Variants in RBFOX1 observed in about 807,000 individuals in gnomAD.
RBFOX1 encodes RNA binding fox-1 homolog 1.
In RBFOX1, 8 loss-of-function variants were observed where a neutral mutation model predicts 57.7. The ratio of observed to expected loss-of-function variants is 0.14; its 90% CI spans 0.08 to 0.25. The LOEUF (loss-of-function observed/expected upper bound fraction) is 0.25. RBFOX1 is among the 10% of genes least tolerant of loss of function. The pLI is 1.00. For missense variants in RBFOX1, 611 were observed against 548.5 expected (o/e 1.11, Z -1.14); for synonymous variants, 326 against 222.4 (o/e 1.47, Z -4.15).
chr16:7,223,840 A>T lies in RBFOX1; in HGVS notation c.27+171742A>T, dbSNP rs189787728. Among the ~76,000 whole-genome samples the T allele has an allele frequency of 1.6e-4, 25 of 151,836 alleles. No homozygotes were observed. In the East Asian group the frequency reaches 4.8e-3, roughly 29 times the overall value. ...ACCAAAAGAGCATTTTTTTTTTGGT[A>T]GAAATAGCCATTTATTAAAAACCAT... On this transcript the variant is annotated intron_variant, in intron 4 of 15. Transcript: ENST00000550418.
At chr16:7,545,043 A>T (rs900984689) in intron 5 of RBFOX1, among the ~76,000 whole-genome samples, 4 of 152,218 alleles carry the variant, frequency 2.6e-5, no homozygotes, top group Admixed American at 6.5e-5. Context: ...AATTGCATCA[A>T]ACAGTGTCTA....
At chr16:5,697,595 A>G (rs1383074703) in intron 3 of RBFOX1, among the ~76,000 whole-genome samples, 1 of 143,298 alleles carries the variant, frequency 7.0e-6, no homozygotes, top group African/African-American at 2.6e-5. Context: ...GTGCATTGGC[A>G]TGACCTCAGC....
intron 3 of RBFOX1, among the ~76,000 whole-genome samples, chr16:5,613,027 G>A (rs976133371): frequency 2.0e-5 from 3 of 152,196 alleles, no homozygotes; most frequent in African/African-American, 4.8e-5. Flanking sequence ...CTGAAGCTCA[G>A]GGGCCCATGA....
chr16:7,075,545 G>C (rs2058132965), intron 4 of RBFOX1, among the ~76,000 whole-genome samples: 1 of 151,996 alleles, frequency 6.6e-6, no homozygotes. Context: ...ACACAACTTT[G>C]GGTTTGCATT....
intron 3 of RBFOX1, among the ~76,000 whole-genome samples, chr16:6,726,200 C>T (rs1014752246): frequency 2.6e-5 from 4 of 152,014 alleles, no homozygotes; most frequent in South Asian, 2.1e-4. Context: ...AGATCTCACC[C>T]GTTTGCTCTA....
chr16:6,738,794 C>G (rs930738425), intron 3 of RBFOX1, among the ~76,000 whole-genome samples: 5 of 151,994 alleles, frequency 3.3e-5, no homozygotes, highest in Non-Finnish European at 5.9e-5. Flanking sequence ...TGGTCTCTGA[C>G]AACAGTAGAA....
intron 1 of RBFOX1, among the ~76,000 whole-genome samples, chr16:6,262,932 C>G (rs1383922645): frequency 6.6e-6 from 1 of 152,150 alleles, no homozygotes; most frequent in Non-Finnish European, 1.5e-5. Flanking sequence ...CAAAGAGGCA[C>G]TGAGGCCGGG....
chr16:6,870,030 C>G (rs745595791), intron 3 of RBFOX1, among the ~76,000 whole-genome samples: 9 of 152,134 alleles, frequency 5.9e-5, no homozygotes, highest in African/African-American at 9.7e-5. Context: ...GCATATCTAT[C>G]TCTCAGCTGG....
At chr16:6,605,824 C>T (rs1261103437) in intron 2 of RBFOX1, among the ~76,000 whole-genome samples, 2 of 152,120 alleles carry the variant, frequency 1.3e-5, no homozygotes, top group South Asian at 2.1e-4. Flanking sequence ...TCCTGGCAGG[C>T]CACAGTGGCT....
chr16:6,554,608 A>T (rs2097058954), intron 2 of RBFOX1, among the ~76,000 whole-genome samples: 1 of 152,138 alleles, frequency 6.6e-6, no homozygotes, highest in South Asian at 2.1e-4. Context: ...AATAAACCCA[A>T]ATTTAAAGGT....
At chr16:7,056,890 A>AGC (rs1445703709) in intron 4 of RBFOX1, among the ~76,000 whole-genome samples, 3 of 152,184 alleles carry the variant, frequency 2.0e-5, no homozygotes, top group African/African-American at 7.2e-5. Flanking sequence ...GGGCTGGTGA[A>AGC]GCACTGGTAT....
chr16:6,544,380 G>A (rs2096866408), intron 2 of RBFOX1, among the ~76,000 whole-genome samples: 1 of 152,170 alleles, frequency 6.6e-6, no homozygotes. Context: ...GCAATCTGAG[G>A]AACACCTGGC....
chr16:7,071,081 G>C lies in RBFOX1; in HGVS notation c.27+18983G>C, dbSNP rs151107046. Among the ~76,000 whole-genome samples the C allele has an allele frequency of 4.5e-3, 683 of 152,276 alleles. 4 individuals are homozygous for C. The highest frequency in any genetic ancestry group is 0.015 in the African/African-American group (640 of 41,558). On this transcript the variant is annotated intron_variant, in intron 4 of 15. Transcript: ENST00000550418. ...ACAAGCCTATCTTTACTCAAAGCCTGAGAAAGGAGGGTCCCATCTGGCTTA... is the reference window on the plus strand; with the variant it reads ...ACAAGCCTATCTTTACTCAAAGCCTCAGAAAGGAGGGTCCCATCTGGCTTA...
At chr16:7,514,773 C>G (rs989643170) in intron 4 of RBFOX1, among the ~76,000 whole-genome samples, 2 of 152,188 alleles carry the variant, frequency 1.3e-5, no homozygotes, top group South Asian at 2.1e-4. Flanking sequence ...TGACCCTTCT[C>G]TCTTCAATAC....
chr16:6,859,003 C>G (rs570470274), intron 3 of RBFOX1, among the ~76,000 whole-genome samples: 1 of 150,840 alleles, frequency 6.6e-6, no homozygotes, highest in South Asian at 2.1e-4. Context: ...CTGACCAGGT[C>G]ACAGGGATGT....
At chr16:6,515,763 A>G (rs563520566) in intron 2 of RBFOX1, among the ~76,000 whole-genome samples, 74 of 152,200 alleles carry the variant, frequency 4.9e-4, no homozygotes, top group African/African-American at 1.8e-3. Flanking sequence ...AGCCATAAAC[A>G]TACTTGCACC....
chr16:6,135,608 A>G (rs754401062), intron 1 of RBFOX1, among the ~76,000 whole-genome samples: 2 of 152,014 alleles, frequency 1.3e-5, no homozygotes, highest in Non-Finnish European at 2.9e-5. Flanking sequence ...TATGACTTAA[A>G]TCATTGCATT....
chr16:7,508,004 T>A (rs889333705), intron 4 of RBFOX1, among the ~76,000 whole-genome samples: 1 of 151,858 alleles, frequency 6.6e-6, no homozygotes, highest in Non-Finnish European at 1.5e-5. Flanking sequence ...CTTTTCTTTT[T>A]GAGATGGAGT....
chr16:5,416,263 A>T (rs2067157638), intron 1 of RBFOX1, among the ~76,000 whole-genome samples: 1 of 152,218 alleles, frequency 6.6e-6, no homozygotes, highest in African/African-American at 2.4e-5. Context: ...ACGGTCACAC[A>T]TTTATGCATG....
Sources: gnomAD v4.1 joint callset for allele counts (sites outside exome capture counted in the v4.1 genomes callset) on GRCh38, gnomAD v4.1.1 for gene constraint, MANE v1.5 for transcripts, NCBI Gene and HGNC (gene_info 2026-07-23, HGNC 2026-07-21) for gene names.